The following GYPC variants were observed in gnomAD, a reference collection of about 807,000 sequenced individuals.
GYPC encodes the protein glycophorin-C.
In GYPC, 14 loss-of-function variants were observed where a neutral mutation model predicts 12.6. The ratio of observed to expected loss-of-function variants is 1.11; its 90% confidence interval spans 0.74 to 1.74. GYPC has a LOEUF of 1.74. Ranked by LOEUF, GYPC falls within the 40% of genes most tolerant of loss-of-function variation. The pLI is 0.00. For synonymous variants in GYPC, 78 were observed against 62.1 expected (o/e 1.26, Z -1.20); for missense variants, 225 against 172.1 (o/e 1.31, Z -1.72).
intron 1 of GYPC, among the ~76,000 whole-genome samples, chr2:126,670,725 C>G (rs1207823093): frequency 6.6e-6 from 1 of 152,124 alleles, no homozygotes; most frequent in East Asian, 1.9e-4. Context: ...AAATGTTAAC[C>G]AGGGAGGGAC....
Position 126,667,145 on chromosome 2 carries a change from CAGACAGAGGATTTAG to C in GYPC, c.49+10852_49+10866del, listed in dbSNP as rs535441809. 2.8e-3 allele frequency among the ~76,000 whole-genome samples: 427 copies of C among 152,302 alleles called. 3 individuals carry two copies. The highest frequency in any genetic ancestry group is 9.7e-3 in the African/African-American group (402 of 41,550). ...ATTGTAGCCATCAGACCCCACCTAG[CAGACAGAGGATTTAG>C]AGACAGAGGATTTAGAGATACGTGG... is the stretch of plus-strand genomic sequence containing the variant. On this transcript the variant is annotated intron_variant, in intron 1 of 3. Transcript: ENST00000259254.
intron 1 of GYPC, among the ~76,000 whole-genome samples, chr2:126,660,851 C>T (rs1342129536): frequency 6.6e-6 from 1 of 152,072 alleles, no homozygotes; most frequent in South Asian, 2.1e-4. Flanking sequence ...GTTGTTGGGC[C>T]CCAGGAATCC....
At chr2:126,680,125 C>G (rs1182038302) in intron 1 of GYPC, 2 of 152,120 alleles carry the variant, frequency 1.3e-5, no homozygotes, top group Non-Finnish European at 2.9e-5. Context: ...GTGATCATTG[C>G]ATCCAGGAGC....
intron 2 of GYPC, among the ~76,000 whole-genome samples, chr2:126,692,485 A>G (rs1366964117): frequency 6.6e-6 from 1 of 152,158 alleles, no homozygotes; most frequent in Admixed American, 6.6e-5. Context: ...CTGAGTGGAA[A>G]TGACTATTAT....
chr2:126,688,626 G>C (rs1184632248), intron 1 of GYPC, among the ~76,000 whole-genome samples: 2 of 152,060 alleles, frequency 1.3e-5, no homozygotes, highest in Non-Finnish European at 2.9e-5. Flanking sequence ...GAGTTCACTG[G>C]GTCTCTTGGC....
intron 2 of GYPC, among the ~76,000 whole-genome samples, chr2:126,693,612 A>C (rs1220739554): frequency 1.3e-5 from 2 of 152,276 alleles, no homozygotes; most frequent in African/African-American, 4.8e-5. Flanking sequence ...TTAGGCAGAT[A>C]ACTCAAATGG....
chr2:126,690,689 A>G (rs1327793827), intron 2 of GYPC, among the ~76,000 whole-genome samples: 1 of 151,948 alleles, frequency 6.6e-6, no homozygotes, highest in Non-Finnish European at 1.5e-5. Context: ...GGCTACTTAG[A>G]CTTCTCCACC....
intron 1 of GYPC, among the ~76,000 whole-genome samples, chr2:126,668,459 G>A (rs980973812): frequency 2.6e-5 from 4 of 152,170 alleles, no homozygotes; most frequent in Admixed American, 6.5e-5. Flanking sequence ...GATCTCAGAT[G>A]ATCCCTCCAT....
At chr2:126,669,713 GA>G (rs1558881558) in intron 1 of GYPC, among the ~76,000 whole-genome samples, 1 of 152,180 alleles carries the variant, frequency 6.6e-6, no homozygotes. Flanking sequence ...CCTCTTTCAG[GA>G]CGTGGCGGTC....
In GYPC at chr2:126,693,890, C is replaced by T. The variant is rs777194487; in HGVS notation, c.133C>T (p.Pro45Ser). ...GCCTGATCCAGGGATGTCTGGATGG[C>T]CGGATGGCAGAATGGAGACCTCCAC... ...AEPDPGMSGW[P>S]DGRMETSTPT... Residue 45 changes from proline to serine, a missense_variant, in exon 3 of 4, where the codon CCG becomes TCG. By Grantham distance (74) the Pro-to-Ser change is moderately conservative (BLOSUM62 -1). Transcript: ENST00000259254. 7 of 1,611,744 alleles carry T rather than the reference C, an allele frequency of 4.3e-6. No homozygotes were observed. Among genetic ancestry groups the T allele is most frequent in the African/African-American group, 2.7e-5 (2 of 74,852 alleles).
intron 1 of GYPC, among the ~76,000 whole-genome samples, chr2:126,682,600 C>A (rs772670088): frequency 3.9e-5 from 6 of 152,194 alleles, no homozygotes; most frequent in Non-Finnish European, 8.8e-5. Flanking sequence ...TCTCCTTCCA[C>A]TTCCGCTGTG....
chr2:126,679,720 C>G (rs1683103391), intron 1 of GYPC: 1 of 152,054 alleles, frequency 6.6e-6, no homozygotes, highest in Non-Finnish European at 1.5e-5. Flanking sequence ...TCTAAAAACA[C>G]AAAATTTGCC....
intron 1 of GYPC, among the ~76,000 whole-genome samples, chr2:126,689,556 T>TAA (rs1188544023): frequency 2.0e-5 from 3 of 150,590 alleles, no homozygotes; most frequent in African/African-American, 4.9e-5. Context: ...ATGCATACAT[T>TAA]AATACCCCCT....
intron 3 of GYPC, among the ~76,000 whole-genome samples, chr2:126,694,670 A>C (rs1258666144): frequency 6.6e-6 from 1 of 152,124 alleles, no homozygotes; most frequent in African/African-American, 2.4e-5. Flanking sequence ...ATGCAGATAC[A>C]AGTGTTCCCC....
intron 1 of GYPC, chr2:126,679,472 T>A (rs13402517): frequency 0.49 from 74,625 of 151,166 alleles, 19,721 homozygotes; most frequent in Non-Finnish European, 0.58. Flanking sequence ...GAAAAAAAAA[T>A]TGAGAGAAGG....
intron 3 of GYPC, among the ~76,000 whole-genome samples, chr2:126,695,657 T>C (rs1341660705): frequency 7.5e-6 from 1 of 133,680 alleles, no homozygotes; most frequent in Non-Finnish European, 1.6e-5. Flanking sequence ...CTGGGTCAGA[T>C]GATTTTGCAT....
intron 1 of GYPC, among the ~76,000 whole-genome samples, chr2:126,677,498 TGTATGAGA>T (rs1287072998): frequency 0.049 from 7,134 of 145,596 alleles, 570 homozygotes; most frequent in African/African-American, 0.17. Context: ...TCTGAGTGTG[TGTATGAGA>T]GTGTGTGTGA....
In GYPC at chr2:126,696,182, T is replaced by G; in HGVS notation, c.*40T>G. On this transcript the variant is annotated 3_prime_UTR_variant, in exon 4 of 4. Coordinates refer to ENST00000259254, the MANE Select transcript of GYPC (RefSeq NM_002101.5). ...CACTTCCCTGAATGCCTCCCCCATC[T>G]CCATCAGGAAAAATACACCCCATCG... 1 of 1,465,490 alleles carries G rather than the reference T, an allele frequency of 6.8e-7. No homozygotes were observed. 90.8% of individuals were successfully genotyped at this position (1,465,490 alleles called of 1,614,324 possible).
At chr2:126,678,577 G>C (rs542153512) in intron 1 of GYPC, 3 of 152,348 alleles carry the variant, frequency 2.0e-5, no homozygotes, top group Admixed American at 6.5e-5. Flanking sequence ...GGCTAGGGAG[G>C]AGGAGAAGCC....
Sources: allele counts gnomAD v4.1 joint callset (sites outside exome capture counted in the v4.1 genomes callset), GRCh38; gene constraint gnomAD v4.1.1; transcripts MANE v1.5; gene names NCBI Gene and HGNC (gene_info 2026-07-23, HGNC 2026-07-21).